The following RBFOX1 variants were observed in gnomAD, a reference collection of about 807,000 sequenced individuals.
RBFOX1 encodes RNA binding fox-1 homolog 1.
Under a neutral mutation model 57.7 loss-of-function variants are expected in RBFOX1, and 8 were observed. The observed-to-expected ratio is 0.14, with a 90% confidence interval of 0.08 to 0.25. The LOEUF (loss-of-function observed/expected upper bound fraction) is 0.25. Among genes scored for constraint, RBFOX1 ranks in the 10% least tolerant of loss-of-function variants. RBFOX1 has a pLI of 1.00. For missense variants in RBFOX1, 611 were observed against 548.5 expected (o/e 1.11, Z -1.14); for synonymous variants, 326 against 222.4 (o/e 1.47, Z -4.15).
At chr16:6,963,167 C>G (rs1323653420) in intron 3 of RBFOX1, among the ~76,000 whole-genome samples, 2 of 152,080 alleles carry the variant, frequency 1.3e-5, no homozygotes, top group Non-Finnish European at 2.9e-5. Flanking sequence ...GCCACCCAAG[C>G]CTAGCACTGC....
rs71142625 is a variant in RBFOX1 at position 5,497,638 on chromosome 16, A to AAAAAAAAAAAAAAAAAAAAAAAT, written c.258+30384_258+30385insAAAAAAAAAAAAAAAAAAAAAAT. Among the ~76,000 whole-genome samples, 95 of 139,388 alleles carry AAAAAAAAAAAAAAAAAAAAAAAT rather than the reference A, an allele frequency of 6.8e-4. 1 individual carries two copies. The highest frequency in any genetic ancestry group is 3.8e-3 in the South Asian group (17 of 4,436). 91.4% of individuals were successfully genotyped at this position (139,388 alleles called of 152,430 possible). A position where few individuals can be genotyped will look rare whatever the true frequency, so the allele number is the denominator to read the frequency against. Reference sequence around the variant, plus strand: ...CTAAAAATACAAAAAAAAAAAAAAAAGCTGGGCATGGTGGCACACACTCCC... The same window carrying AAAAAAAAAAAAAAAAAAAAAAAT: ...CTAAAAATACAAAAAAAAAAAAAAAAAAAAAAAAAAAAAAAAAAAAAATGCTGGGCATGGTGGCACACACTCCC... On this transcript the variant is annotated intron_variant, in intron 2 of 2. Coordinates refer to the RBFOX1 transcript ENST00000585867.
intron 3 of RBFOX1, among the ~76,000 whole-genome samples, chr16:6,780,291 A>T (rs1471675381): frequency 2.1e-5 from 1 of 47,936 alleles, no homozygotes; most frequent in Non-Finnish European, 3.2e-5. Flanking sequence ...TTATACATAT[A>T]TATATTTATA....
At chr16:7,074,060 A>G (rs1402397160) in intron 4 of RBFOX1, among the ~76,000 whole-genome samples, 5 of 152,188 alleles carry the variant, frequency 3.3e-5, no homozygotes, top group African/African-American at 7.2e-5. Flanking sequence ...AAGGTTGGAC[A>G]GTTTCAACGG....
chr16:5,303,997 A>C (rs998130484), intron 1 of RBFOX1, among the ~76,000 whole-genome samples: 1 of 152,148 alleles, frequency 6.6e-6, no homozygotes, highest in African/African-American at 2.4e-5. Flanking sequence ...TTTTTTAAAG[A>C]TCTAATATGA....
intron 3 of RBFOX1, among the ~76,000 whole-genome samples, chr16:6,907,243 C>T (rs1168761359): frequency 1.3e-5 from 2 of 152,088 alleles, no homozygotes; most frequent in African/African-American, 4.8e-5. Context: ...CGCAGGATGG[C>T]CCCCGAAGCA....
chr16:6,073,232 C>T (rs907637829), intron 1 of RBFOX1, among the ~76,000 whole-genome samples: 2 of 152,180 alleles, frequency 1.3e-5, no homozygotes, highest in East Asian at 1.9e-4. Context: ...AGATGAACTA[C>T]TCACAGCATG....
intron 4 of RBFOX1, among the ~76,000 whole-genome samples, chr16:7,084,843 C>G (rs576489272): frequency 2.6e-5 from 4 of 152,102 alleles, no homozygotes; most frequent in African/African-American, 9.7e-5. Context: ...TCTTGTCTGT[C>G]TGTCTGTCTT....
chr16:6,227,725 A>G (rs1033477868), intron 1 of RBFOX1, among the ~76,000 whole-genome samples: 2 of 152,242 alleles, frequency 1.3e-5, no homozygotes, highest in African/African-American at 4.8e-5. Context: ...TAGCTGAAGT[A>G]GCTCTATAGG....
Position 6,790,410 on chromosome 16 carries a change from C to T in RBFOX1, c.-16+135760C>T, listed in dbSNP as rs537723987. On this transcript the variant is annotated intron_variant, in intron 3 of 15. Transcript: ENST00000550418. ...ATGTTTGCCTGGCTGGTCTTGAACTCCTGACCTCAGGTGATCTACCCACCT... is the reference window on the plus strand; with the variant it reads ...ATGTTTGCCTGGCTGGTCTTGAACTTCTGACCTCAGGTGATCTACCCACCT... 7.9e-5 allele frequency among the ~76,000 whole-genome samples: 12 copies of T among 152,150 alleles called. No homozygotes were observed. The South Asian group carries it at 2.3e-3, about 29-fold the overall frequency.
At chr16:5,528,327 A>T (rs1355966553) in intron 2 of RBFOX1, among the ~76,000 whole-genome samples, 1 of 152,082 alleles carries the variant, frequency 6.6e-6, no homozygotes, top group Non-Finnish European at 1.5e-5. Context: ...GTGACTCAGT[A>T]GATCTGGGTT....
At chr16:5,937,651 C>A (rs2059194251) in intron 4 of RBFOX1, among the ~76,000 whole-genome samples, 1 of 149,290 alleles carries the variant, frequency 6.7e-6, no homozygotes. Context: ...ATATATATAG[C>A]TACATATAGA....
chr16:6,271,995 AAAAAG>A (rs1305915338), intron 1 of RBFOX1, among the ~76,000 whole-genome samples: 2 of 152,178 alleles, frequency 1.3e-5, no homozygotes, highest in East Asian at 1.9e-4. Flanking sequence ...AGCCAGGAGA[AAAAAG>A]AAAAGAAAAC....
chr16:7,518,263 C>A lies in RBFOX1; in HGVS notation c.144C>A (p.Pro48=). 6.2e-7 allele frequency: 1 copy of A among 1,614,148 alleles called. No individual in the cohort carries two copies. Among genetic ancestry groups the A allele is most frequent in the African/African-American group, 1.3e-5 (1 of 75,066 alleles). Residue 48 remains proline (P), a synonymous_variant, in exon 5 of 16, where the codon CCC becomes CCA. Coordinates refer to ENST00000550418, the MANE Select transcript of RBFOX1 (RefSeq NM_018723.4). ...PAEYTAPHPH[P]APEYTGQTTV... ...AATACACGGCCCCTCATCCCCACCC[C>A]GCGCCAGAGTACACAGGCCAGACCA...
At chr16:6,407,908 A>T (rs1422537765) in intron 2 of RBFOX1, among the ~76,000 whole-genome samples, 1 of 152,158 alleles carries the variant, frequency 6.6e-6, no homozygotes, top group Non-Finnish European at 1.5e-5. Flanking sequence ...CAGAATTCAT[A>T]TGTTGAAGCC....
chr16:5,653,882 G>T (rs981057105), intron 3 of RBFOX1, among the ~76,000 whole-genome samples: 1 of 152,194 alleles, frequency 6.6e-6, no homozygotes, highest in African/African-American at 2.4e-5. Context: ...CAGGAGGGCT[G>T]CTCTCGGCCC....
At chr16:5,476,821 A>G (rs925825178) in intron 2 of RBFOX1, among the ~76,000 whole-genome samples, 1 of 152,208 alleles carries the variant, frequency 6.6e-6, no homozygotes, top group African/African-American at 2.4e-5. Context: ...CCTTTCCTCA[A>G]GATGGCTAGA....
chr16:7,393,740 G>A (rs1337908761), intron 4 of RBFOX1, among the ~76,000 whole-genome samples: 1 of 152,136 alleles, frequency 6.6e-6, no homozygotes, highest in Non-Finnish European at 1.5e-5. Flanking sequence ...TGGCCACAAG[G>A]TGTCCCCCAG....
chr16:7,221,118 G>A (rs971829364), intron 4 of RBFOX1, among the ~76,000 whole-genome samples: 10 of 151,982 alleles, frequency 6.6e-5, no homozygotes, highest in Non-Finnish European at 1.2e-4. Context: ...GATTTGCTGC[G>A]TTTTATGTGG....
chr16:5,767,557 G>A (rs985784427), intron 3 of RBFOX1, among the ~76,000 whole-genome samples: 5 of 152,140 alleles, frequency 3.3e-5, no homozygotes, highest in Admixed American at 6.5e-5. Context: ...CGAACCCTGC[G>A]TGAGTTTCCA....
Sources: gnomAD v4.1 joint callset for allele counts (sites outside exome capture counted in the v4.1 genomes callset) on GRCh38, gnomAD v4.1.1 for gene constraint, MANE v1.5 for transcripts, NCBI Gene and HGNC (gene_info 2026-07-23, HGNC 2026-07-21) for gene names.